The following GUCY1A2 variants were observed in gnomAD, a reference collection of about 807,000 sequenced individuals.
The protein encoded by GUCY1A2 is guanylate cyclase soluble subunit alpha-2.
GUCY1A2 carries 27 observed loss-of-function variants against 63.5 expected under a neutral mutation model. That is an observed-to-expected ratio of 0.43 (90% CI 0.31 to 0.59). The LOEUF (loss-of-function observed/expected upper bound fraction) is 0.59, where lower values mean the gene tolerates loss of function less well. GUCY1A2 is among the 20% of genes least tolerant of loss of function. The pLI, the probability that GUCY1A2 is intolerant of heterozygous loss-of-function variation, is 0.11. For synonymous variants in GUCY1A2, 364 were observed against 343.5 expected, an observed-to-expected ratio of 1.06 and a Z score of -0.66; for missense variants, 768 against 913.3, an observed-to-expected ratio of 0.84 and a Z score of 2.05.
At chr11:106,937,587 T>C (rs1452721159) in intron 4 of GUCY1A2, among the ~76,000 whole-genome samples, 5 of 152,202 alleles carry the variant, frequency 3.3e-5, no homozygotes, top group Non-Finnish European at 7.3e-5. Context: ...ACAGAACTGA[T>C]AGTTTTGATA....
chr11:106,983,030 C>A (rs147947414), intron 2 of GUCY1A2, among the ~76,000 whole-genome samples: 131 of 152,262 alleles, frequency 8.6e-4, no homozygotes, highest in South Asian at 2.1e-3. Context: ...CCCAGTAATA[C>A]GTGTTTTAAC....
chr11:106,881,101 T>G (rs1202610349), intron 4 of GUCY1A2, among the ~76,000 whole-genome samples: 1 of 152,156 alleles, frequency 6.6e-6, no homozygotes, highest in Non-Finnish European at 1.5e-5. Flanking sequence ...TGAATTAACC[T>G]AATTGTCCAG....
chr11:106,806,303 A>C (rs868585121), intron 5 of GUCY1A2, among the ~76,000 whole-genome samples: 3 of 152,160 alleles, frequency 2.0e-5, no homozygotes, highest in African/African-American at 4.8e-5. Context: ...GGGGTATAGA[A>C]CTGGAGAAAA....
At chr11:106,875,597 TA>T (rs774730578) in intron 4 of GUCY1A2, among the ~76,000 whole-genome samples, 28 of 152,044 alleles carry the variant, frequency 1.8e-4, no homozygotes, top group Non-Finnish European at 2.8e-4. Context: ...GTCCCAAACT[TA>T]AGATTTACCA....
intron 4 of GUCY1A2, among the ~76,000 whole-genome samples, chr11:106,937,064 CTGT>C (rs1860688809): frequency 6.6e-6 from 1 of 152,028 alleles, no homozygotes. Context: ...CTGGGTAAGA[CTGT>C]ATGTGACAAC....
chr11:106,692,598 A>G (rs962185729), intron 7 of GUCY1A2, among the ~76,000 whole-genome samples: 1 of 152,140 alleles, frequency 6.6e-6, no homozygotes, highest in African/African-American at 2.4e-5. Flanking sequence ...ACTTATTCAT[A>G]CTGAAGTACA....
chr11:106,907,822 T>C (rs969095998), intron 4 of GUCY1A2, among the ~76,000 whole-genome samples: 20 of 151,968 alleles, frequency 1.3e-4, no homozygotes, highest in Non-Finnish European at 2.4e-4. Flanking sequence ...ACATTTGGGT[T>C]GGTTCCAAGT....
chr11:106,994,477 G>T (rs1316172253), intron 1 of GUCY1A2, among the ~76,000 whole-genome samples: 1 of 152,180 alleles, frequency 6.6e-6, no homozygotes, highest in African/African-American at 2.4e-5. Flanking sequence ...GTCATCCAAG[G>T]ATGTCTGATG....
chr11:106,845,683 A>G (rs1320931362), intron 4 of GUCY1A2, among the ~76,000 whole-genome samples: 1 of 151,642 alleles, frequency 6.6e-6, no homozygotes, highest in East Asian at 1.9e-4. Context: ...TGGGACAGCT[A>G]CCTTAATGAG....
At chr11:106,712,526 T>A (rs1440668089) in intron 6 of GUCY1A2, among the ~76,000 whole-genome samples, 1 of 151,586 alleles carries the variant, frequency 6.6e-6, no homozygotes, top group African/African-American at 2.4e-5. Flanking sequence ...TCAGATTTTC[T>A]TTATGTCTAG....
intron 4 of GUCY1A2, among the ~76,000 whole-genome samples, chr11:106,859,884 T>A (rs983870755): frequency 5.3e-5 from 8 of 151,920 alleles, no homozygotes; most frequent in Admixed American, 2.0e-4. Flanking sequence ...GGCTCTACCA[T>A]CTAGATTTGT....
chr11:106,914,541 TACAA>T (rs1860343039), intron 4 of GUCY1A2, among the ~76,000 whole-genome samples: 1 of 150,828 alleles, frequency 6.6e-6, no homozygotes, highest in African/African-American at 2.4e-5. Flanking sequence ...GTCCAGTAAG[TACAA>T]ATACAACAAA....
At chr11:106,846,202 G>T (rs1859268756) in intron 4 of GUCY1A2, among the ~76,000 whole-genome samples, 1 of 143,738 alleles carries the variant, frequency 7.0e-6, no homozygotes, top group Non-Finnish European at 1.6e-5. Flanking sequence ...GGGAAAATGT[G>T]AATATAAACT....
At chr11:106,893,223 A>G (rs1466758338) in intron 4 of GUCY1A2, among the ~76,000 whole-genome samples, 2 of 152,202 alleles carry the variant, frequency 1.3e-5, no homozygotes, top group Non-Finnish European at 2.9e-5. Flanking sequence ...TATATATGAC[A>G]TAATTTTTGG....
chr11:106,718,642 C>A (rs1050050836), intron 6 of GUCY1A2, among the ~76,000 whole-genome samples: 2 of 151,946 alleles, frequency 1.3e-5, no homozygotes, highest in African/African-American at 2.4e-5. Context: ...TCTTAAAAAT[C>A]TTTTCAAAGT....
chr11:106,922,959 C>T (rs536937880), intron 4 of GUCY1A2, among the ~76,000 whole-genome samples: 8 of 151,794 alleles, frequency 5.3e-5, no homozygotes, highest in African/African-American at 1.9e-4. Flanking sequence ...ATTCGGACTA[C>T]CTGTTGTAGA....
chr11:106,936,264 C>T (rs1223541075), intron 4 of GUCY1A2, among the ~76,000 whole-genome samples: 1 of 152,204 alleles, frequency 6.6e-6, no homozygotes, highest in African/African-American at 2.4e-5. Flanking sequence ...CTCAAATTTA[C>T]CACAATGTCT....
intron 1 of GUCY1A2, among the ~76,000 whole-genome samples, chr11:107,012,603 A>G (rs1418265253): frequency 1.3e-5 from 2 of 152,148 alleles, no homozygotes; most frequent in African/African-American, 4.8e-5. Context: ...CTCAAACCGA[A>G]ATTTGTCAGA....
At chr11:106,894,323 A>C (rs559242841) in intron 4 of GUCY1A2, among the ~76,000 whole-genome samples, 3 of 152,344 alleles carry the variant, frequency 2.0e-5, no homozygotes, top group African/African-American at 7.2e-5. Context: ...ATAAAAGTTT[A>C]GGGAGAAATA....
Sources: allele counts gnomAD v4.1 joint callset (sites outside exome capture counted in the v4.1 genomes callset), GRCh38; gene constraint gnomAD v4.1.1; transcripts MANE v1.5; gene names NCBI Gene and HGNC (gene_info 2026-07-23, HGNC 2026-07-21).